FOCAD: variants seen among roughly 807,000 people sequenced by gnomAD.
FOCAD encodes the protein focadhesin, also known as KIAA1797.
FOCAD carries 198 observed loss-of-function variants against 225.6 expected under a neutral mutation model. The observed-to-expected ratio is 0.88, with a 90% CI of 0.78 to 0.99. The LOEUF is 0.99. FOCAD is among the 50% of genes least tolerant of loss of function. The pLI is 0.00. For synonymous variants in FOCAD, 897 were observed against 755.0 expected (o/e 1.19, Z -3.08); for missense variants, 2,713 against 2,123.6 (o/e 1.28, Z -5.46).
chr9:20,759,562 C>G (rs898256677), intron 6 of FOCAD, among the ~76,000 whole-genome samples: 4 of 152,114 alleles, frequency 2.6e-5, no homozygotes, highest in African/African-American at 7.2e-5. Context: ...AAACTTAATT[C>G]AAGATGGATT....
intron 19 of FOCAD, among the ~76,000 whole-genome samples, chr9:20,877,175 A>C (rs761966740): frequency 3.9e-5 from 6 of 152,034 alleles, no homozygotes; most frequent in Non-Finnish European, 7.4e-5. Flanking sequence ...CCCAGTATAT[A>C]AACTTAAGGG....
intron 2 of FOCAD, among the ~76,000 whole-genome samples, chr9:20,664,676 G>C (rs929919453): frequency 2.2e-5 from 3 of 135,378 alleles, no homozygotes; most frequent in Non-Finnish European, 3.1e-5. Flanking sequence ...ATGAGGTCTC[G>C]CTTTGTTGAC....
At chr9:20,823,191 A>G (rs1411009739) in intron 15 of FOCAD, 76 bp downstream of exon 15, 23 of 1,447,146 alleles carry the variant, frequency 1.6e-5, no homozygotes, top group Non-Finnish European at 1.9e-5. Flanking sequence ...AGAATGTAAG[A>G]TTAGATTCAA....
chr9:20,684,323 C>A (rs1180102616), intron 1 of FOCAD, 30 bp downstream of exon 1: 1 of 152,260 alleles, frequency 6.6e-6, no homozygotes, highest in Non-Finnish European at 1.5e-5. Flanking sequence ...GGGCTGCCAC[C>A]GCTGCACCCC....
intron 35 of FOCAD, among the ~76,000 whole-genome samples, chr9:20,959,782 A>G (rs1838532654): frequency 6.6e-6 from 1 of 152,194 alleles, no homozygotes; most frequent in South Asian, 2.1e-4. Flanking sequence ...TCATATATTG[A>G]ACAGACTGTC....
intron 6 of FOCAD, among the ~76,000 whole-genome samples, chr9:20,762,188 T>C (rs1216793444): frequency 6.6e-6 from 1 of 152,212 alleles, no homozygotes; most frequent in Non-Finnish European, 1.5e-5. Flanking sequence ...GAATACATTA[T>C]TAAAGAGAGA....
At position 20,934,093 on chromosome 9, in the gene FOCAD, G is replaced by C. The variant is rs556489946; in HGVS notation, c.3407+990G>C. Among the ~76,000 whole-genome samples the C allele has an allele frequency of 5.3e-5, 8 of 152,228 alleles. No homozygotes were observed. In the East Asian group the frequency reaches 9.6e-4, roughly 18 times the overall value. On this transcript the variant is annotated intron_variant, in intron 28 of 43. Coordinates refer to ENST00000338382, the MANE Select transcript of FOCAD (RefSeq NM_001375567.1). The stretch of plus-strand genomic sequence containing the variant: ...TGCTAATTTGTTTGAGTTTGTTGTA[G>C]ATTCTGGATATTAGTCCTTTGTCAG...
intron 1 of FOCAD, among the ~76,000 whole-genome samples, chr9:20,697,235 T>C (rs916740460): frequency 3.3e-5 from 5 of 152,268 alleles, no homozygotes; most frequent in African/African-American, 4.8e-5. Context: ...TCCTGGATTA[T>C]TGATGTAACC....
chr9:20,938,495 C>A (rs914415987), intron 28 of FOCAD, among the ~76,000 whole-genome samples: 1 of 151,860 alleles, frequency 6.6e-6, no homozygotes, highest in Non-Finnish European at 1.5e-5. Flanking sequence ...AACCAAACAC[C>A]ACATGTTCTC....
At chr9:20,669,803 C>T (rs955054116) in intron 2 of FOCAD, among the ~76,000 whole-genome samples, 20 of 151,974 alleles carry the variant, frequency 1.3e-4, no homozygotes, top group Middle Eastern at 3.4e-3. Flanking sequence ...AAAGATAATA[C>T]AGGGCGCCCA....
At chr9:20,995,360 TA>T (rs371481104) in intron 43 of FOCAD, among the ~76,000 whole-genome samples, 195 bp from the exon 44 acceptor site, 104 of 52,462 alleles carry the variant, frequency 2.0e-3, no homozygotes, top group Admixed American at 2.6e-3. Flanking sequence ...CAGGGTAACT[TA>T]AAAAAAAAAA....
chr9:20,710,129 T>G (rs1439114456), intron 1 of FOCAD, among the ~76,000 whole-genome samples: 3 of 151,918 alleles, frequency 2.0e-5, no homozygotes, highest in African/African-American at 7.2e-5. Flanking sequence ...CTGTGACATA[T>G]CAATAATCTT....
chr9:20,880,787 C>T (rs1830605405), intron 19 of FOCAD, among the ~76,000 whole-genome samples: 1 of 152,054 alleles, frequency 6.6e-6, no homozygotes, highest in Non-Finnish European at 1.5e-5. Flanking sequence ...TGGACCCTTG[C>T]TTTTTGTTTC....
chr9:20,959,003 G>A (rs1279528686), intron 35 of FOCAD, among the ~76,000 whole-genome samples: 3 of 152,106 alleles, frequency 2.0e-5, no homozygotes, highest in Admixed American at 6.6e-5. Flanking sequence ...TAAACATGGG[G>A]TACAGATGTC....
intron 21 of FOCAD, among the ~76,000 whole-genome samples, chr9:20,888,756 A>G (rs543183167): frequency 6.6e-6 from 1 of 152,094 alleles, no homozygotes; most frequent in Non-Finnish European, 1.5e-5. Flanking sequence ...AATGAGTCTC[A>G]TGAGATCTGA....
chr9:20,716,298 A>C (rs997802109), intron 2 of FOCAD: 7 of 258,444 alleles, frequency 2.7e-5, no homozygotes. Context: ...ATAGATAATC[A>C]AGAAATGCCC....
At chr9:20,889,139 C>G (rs1053982267) in intron 21 of FOCAD, among the ~76,000 whole-genome samples, 1 of 152,194 alleles carries the variant, frequency 6.6e-6, no homozygotes, top group African/African-American at 2.4e-5. Context: ...TTCATTTTCC[C>G]TTGTCCTTAG....
chr9:20,821,104 C>G (rs780088418), intron 14 of FOCAD, 33 bp downstream of exon 14: 2 of 1,585,628 alleles, frequency 1.3e-6, no homozygotes, highest in East Asian at 4.5e-5. Flanking sequence ...GAATGTATAT[C>G]ATGATATATT....
chr9:20,773,766 C>A (rs770145171), intron 8 of FOCAD, among the ~76,000 whole-genome samples: 5 of 152,142 alleles, frequency 3.3e-5, no homozygotes, highest in Non-Finnish European at 7.4e-5. Context: ...TTTCCTCCCC[C>A]ACTTTTCTTC....
Sources: gnomAD v4.1 joint callset for allele counts (sites outside exome capture counted in the v4.1 genomes callset) on GRCh38, gnomAD v4.1.1 for gene constraint, MANE v1.5 for transcripts, NCBI Gene and HGNC (gene_info 2026-07-23, HGNC 2026-07-21) for gene names.